FAIM2: variants seen among roughly 807,000 people sequenced by gnomAD.
FAIM2 encodes Fas apoptotic inhibitory molecule 2, also known as protein lifeguard 2.
A neutral mutation model predicts 47.4 loss-of-function variants in FAIM2; 27 were observed. The observed-to-expected ratio is 0.57, with a 90% CI of 0.42 to 0.78. The LOEUF (loss-of-function observed/expected upper bound fraction) is 0.78. FAIM2 is among the 30% of genes least tolerant of loss of function. FAIM2 has a pLI of 0.00. For missense variants in FAIM2, 311 were observed against 389.4 expected (o/e 0.80, Z 1.69); for synonymous variants, 156 against 159.3 (o/e 0.98, Z 0.16).
At chr12:49,879,676 ATG>A (rs992590816) in intron 11 of FAIM2, among the ~76,000 whole-genome samples, 7 of 138,212 alleles carry the variant, frequency 5.1e-5, no homozygotes, top group Admixed American at 1.5e-4. Context: ...GAGTGTGTGC[ATG>A]TGTGTATCTG....
rs184762843 is a variant in FAIM2 at position 49,887,362 on chromosome 12, G to T, written c.801+24C>A. 3.7e-6 allele frequency: 6 copies of T among 1,602,048 alleles called. No homozygotes were observed. In the East Asian group the frequency reaches 9.0e-5, roughly 24 times the overall value. ...TGGTCAGGATGCTGGGAAGGAGGCT[G>T]CCAAGGAGCTAGACCACACTCACCA... On this transcript the variant is annotated intron_variant, in intron 11 of 11. Coordinates refer to ENST00000320634, the MANE Select transcript of FAIM2 (RefSeq NM_012306.4).
At chr12:49,894,892 A>G (rs986812762) in intron 5 of FAIM2, among the ~76,000 whole-genome samples, 1 of 152,224 alleles carries the variant, frequency 6.6e-6, no homozygotes, top group African/African-American at 2.4e-5. Context: ...CCCTCCATAC[A>G]GAAAAAGAGC....
intron 11 of FAIM2, among the ~76,000 whole-genome samples, chr12:49,871,779 G>A (rs1658692803): frequency 6.6e-6 from 1 of 151,314 alleles, no homozygotes; most frequent in African/African-American, 2.4e-5. Context: ...CGATTCTCCT[G>A]CCTCAGCCTC....
Position 49,901,248 on chromosome 12 carries a change from C to A in FAIM2, c.93G>T (p.Val31=). The A allele has an allele frequency of 6.2e-7, 1 of 1,611,092 alleles. No homozygotes were observed. Among genetic ancestry groups the A allele is most frequent in the Non-Finnish European group, 8.5e-7 (1 of 1,178,826 alleles). ...VHGEKKEAPA[V]PSAPPSYEEA... is the part of the protein sequence containing the mutation. ...CCTCATAGGAGGGTGGGGCTGAGGG[C>A]ACTGCTGGAGCCTCCTTCTTCTCGC... The change falls in exon 2 of 12, where the codon GTG becomes GTT. Residue 31 remains valine (V), a synonymous_variant. Coordinates refer to ENST00000320634, the MANE Select transcript of FAIM2 (RefSeq NM_012306.4).
chr12:49,870,437 C>T lies in FAIM2; in HGVS notation c.*67G>A, dbSNP rs1354189401. ...AGTTTTATATCTGGTCTCGCAGGAGCGCAGGGGAGGGACAGGGAACCAGGA... is the reference window on the plus strand; with the variant it reads ...AGTTTTATATCTGGTCTCGCAGGAGTGCAGGGGAGGGACAGGGAACCAGGA... On this transcript the variant is annotated 3_prime_UTR_variant, in exon 12 of 12. Coordinates refer to ENST00000320634, the MANE Select transcript of FAIM2 (RefSeq NM_012306.4). 4.4e-5 allele frequency: 63 copies of T among 1,442,344 alleles called. No individual in the cohort carries two copies. Among genetic ancestry groups the T allele is most frequent in the Non-Finnish European group, 5.5e-5 (57 of 1,036,622 alleles). 89.3% of individuals were successfully genotyped at this position (1,442,344 alleles called of 1,614,324 possible). A position where few individuals can be genotyped will look rare whatever the true frequency, so the allele number is the denominator to read the frequency against.
intron 11 of FAIM2, among the ~76,000 whole-genome samples, chr12:49,876,736 C>A (rs569249122): frequency 7.2e-5 from 11 of 152,154 alleles, no homozygotes; most frequent in Admixed American, 6.5e-4. Context: ...TGAGCCACTG[C>A]TCTCCAGCCT....
At chr12:49,890,076 C>T (rs759792965) in intron 8 of FAIM2, 41 bp downstream of exon 8, 13 of 1,605,980 alleles carry the variant, frequency 8.1e-6, no homozygotes, top group Middle Eastern at 1.7e-4. Flanking sequence ...GGCTCCAAGC[C>T]TGGCCTATGG....
intron 5 of FAIM2, among the ~76,000 whole-genome samples, chr12:49,895,141 C>T (rs761612025): frequency 2.0e-5 from 3 of 152,136 alleles, no homozygotes; most frequent in Admixed American, 6.5e-5. Flanking sequence ...CTCCCAAGCA[C>T]CTTTCACACT....
intron 11 of FAIM2, among the ~76,000 whole-genome samples, chr12:49,886,015 C>A (rs886532514): frequency 2.6e-5 from 4 of 152,194 alleles, no homozygotes; most frequent in African/African-American, 9.6e-5. Context: ...TCCCCCATTT[C>A]AGCCCCCTCA....
At chr12:49,890,646 C>T (rs1262349371) in intron 7 of FAIM2, 37 bp downstream of exon 7, 17 of 1,604,178 alleles carry the variant, frequency 1.1e-5, no homozygotes, top group Non-Finnish European at 1.4e-5. Flanking sequence ...TCCATCCCCA[C>T]TCAGCGTCTG....
At position 49,897,458 on chromosome 12, in the gene FAIM2, C is replaced by T; in HGVS notation, c.380+61G>A. 3.3e-6 allele frequency: 5 copies of T among 1,503,118 alleles called. No homozygotes were observed. In the South Asian group the frequency reaches 4.5e-5, roughly 14 times the overall value. 93.1% of individuals were successfully genotyped at this position (1,503,118 alleles called of 1,614,324 possible). A position where few individuals can be genotyped will look rare whatever the true frequency, so the allele number is the denominator to read the frequency against. ...CCAGCAGGAGTCTGATCATGGGTTC[C>T]CCGGCTCCAGGCCTGGCCATAGTCA... On this transcript the variant is annotated intron_variant, in intron 4 of 11. Coordinates refer to ENST00000320634, the MANE Select transcript of FAIM2 (RefSeq NM_012306.4).
Position 49,901,113 on chromosome 12 carries a change from G to A in FAIM2, c.211+17C>T. 1 of 1,552,748 alleles carries A rather than the reference G, an allele frequency of 6.4e-7. No individual in the cohort carries two copies. Among genetic ancestry groups the A allele is most frequent in the Non-Finnish European group, 8.6e-7 (1 of 1,156,682 alleles). On this transcript the variant is annotated intron_variant, in intron 2 of 11. Transcript: ENST00000320634. ...CCACCCCATGATGCTTCAGGTTCCA[G>A]GAGCTGAAAGACTTACTGGGGTCCA...
At chr12:49,890,998 C>A (rs1946896118) in intron 6 of FAIM2, 66 bp downstream of exon 6, 1 of 1,524,826 alleles carries the variant, frequency 6.6e-7, no homozygotes, top group Non-Finnish European at 9.1e-7. Flanking sequence ...GCTGGCAGGG[C>A]TGGGGCCAGA....
intron 5 of FAIM2, among the ~76,000 whole-genome samples, 182 bp from the exon 6 acceptor site, chr12:49,891,296 G>C (rs993022401): frequency 3.9e-5 from 6 of 152,132 alleles, no homozygotes; most frequent in Admixed American, 2.6e-4. Context: ...TTCCAAAAGA[G>C]AGCAAAAGGA....
intron 2 of FAIM2, chr12:49,900,335 AG>A (rs773333116): frequency 4.8e-6 from 3 of 628,562 alleles, no homozygotes; most frequent in Non-Finnish European, 4.6e-6. Flanking sequence ...AAAGTGGGAG[AG>A]GGGGAGGGGC....
At chr12:49,888,846 A>G (rs2137097748) in intron 10 of FAIM2, among the ~76,000 whole-genome samples, 2 of 151,888 alleles carry the variant, frequency 1.3e-5, no homozygotes, top group Admixed American at 1.3e-4. Flanking sequence ...TCTCACCTCC[A>G]CCCCACAGAG....
chr12:49,898,410 C>T (rs1946956203), intron 2 of FAIM2, among the ~76,000 whole-genome samples: 1 of 102,692 alleles, frequency 9.7e-6, no homozygotes, highest in Non-Finnish European at 2.0e-5. Flanking sequence ...CTTCCCCCCA[C>T]CATCCTCCTT....
At chr12:49,882,647 T>A (rs888509482) in intron 11 of FAIM2, among the ~76,000 whole-genome samples, 1 of 152,180 alleles carries the variant, frequency 6.6e-6, no homozygotes, top group Non-Finnish European at 1.5e-5. Flanking sequence ...CCCCCTCCCC[T>A]GTGACTCACA....
At position 49,890,709 on chromosome 12, in the gene FAIM2, A is replaced by C; in HGVS notation, c.499T>G (p.Trp167Gly). The C allele has an allele frequency of 5.0e-6, 8 of 1,614,022 alleles. No homozygotes were observed. The highest frequency in any genetic ancestry group is 6.8e-6 in the Non-Finnish European group (8 of 1,179,956). ...CCSGPRRHFP[W>G]NLILLTVFTL... The stretch of plus-strand genomic sequence containing the variant: ...AAGACGGTCAGGAGAATCAGGTTCC[A>C]GGGGAAATGCCTCCTGCAAGGCAAG... The change falls in exon 7 of 12, where the codon TGG (tryptophan) becomes GGG (glycine). Residue 167 changes from tryptophan to glycine, a missense_variant. Coordinates refer to ENST00000320634, the MANE Select transcript of FAIM2 (RefSeq NM_012306.4).
Sources: allele counts gnomAD v4.1 joint callset (sites outside exome capture counted in the v4.1 genomes callset), GRCh38; gene constraint gnomAD v4.1.1; transcripts MANE v1.5; gene names NCBI Gene and HGNC (gene_info 2026-07-23, HGNC 2026-07-21).